EPHA6: variants seen among roughly 807,000 people sequenced by gnomAD.
EPHA6 encodes EPH receptor A6, also known as ephrin type-A receptor 6.
EPHA6 carries 50 observed loss-of-function variants against 112.0 expected under a neutral mutation model. That is an observed-to-expected ratio of 0.45 (90% CI 0.36 to 0.56). The LOEUF (loss-of-function observed/expected upper bound fraction) is 0.56, where lower values mean the gene tolerates loss of function less well. EPHA6 is among the 20% of genes least tolerant of loss of function. The pLI is 0.00. For missense variants in EPHA6, 1,280 were observed against 1,417.4 expected, an observed-to-expected ratio of 0.90 and a Z score of 1.56; for synonymous variants, 529 against 490.7, an observed-to-expected ratio of 1.08 and a Z score of -1.03.
chr3:96,985,873 C>T (rs924754843), intron 2 of EPHA6, among the ~76,000 whole-genome samples: 1 of 152,186 alleles, frequency 6.6e-6, no homozygotes, highest in South Asian at 2.1e-4. Flanking sequence ...CTCAACCAGC[C>T]TTGATTTAGT....
chr3:97,178,651 C>T (rs2076901912), intron 3 of EPHA6, among the ~76,000 whole-genome samples: 1 of 152,118 alleles, frequency 6.6e-6, no homozygotes, highest in African/African-American at 2.4e-5. Flanking sequence ...TCCTTCAGCA[C>T]TCTTCATATG....
At chr3:97,213,487 TTC>T (rs1377883509) in intron 3 of EPHA6, among the ~76,000 whole-genome samples, 5 of 152,178 alleles carry the variant, frequency 3.3e-5, no homozygotes, top group African/African-American at 1.2e-4. Context: ...AATTGCCACA[TTC>T]TCTCTGAGCA....
chr3:97,086,774 G>T (rs2046914680), intron 3 of EPHA6, among the ~76,000 whole-genome samples: 1 of 151,852 alleles, frequency 6.6e-6, no homozygotes, highest in Non-Finnish European at 1.5e-5. Flanking sequence ...TTTTGTACAT[G>T]GGAATTTATT....
chr3:97,572,613 C>G (rs1387246821), intron 11 of EPHA6: 1 of 152,076 alleles, frequency 6.6e-6, no homozygotes, highest in Non-Finnish European at 1.5e-5. Context: ...GGTTCTTGGC[C>G]TTCTGATTCT....
rs118075797 is a variant in EPHA6 at position 97,436,913 on chromosome 3, A to C, written c.1732-11655A>C. ...TCCAATGCACTATAGTTCTTAGATA[A>C]ATTTTATTGTGTATAATTAAGAGAT... On this transcript the variant is annotated intron_variant, in intron 6 of 17. Coordinates refer to ENST00000389672, the MANE Select transcript of EPHA6 (RefSeq NM_001080448.3). 5.9e-5 allele frequency among the ~76,000 whole-genome samples: 9 copies of C among 152,274 alleles called. No homozygotes were observed. In the East Asian group the frequency reaches 1.5e-3, roughly 26 times the overall value.
At chr3:97,724,367 C>G (rs1205586398) in intron 15 of EPHA6, among the ~76,000 whole-genome samples, 1 of 151,924 alleles carries the variant, frequency 6.6e-6, no homozygotes, top group Non-Finnish European at 1.5e-5. Flanking sequence ...CATAAAAGAC[C>G]TAACAAAATA....
chr3:96,954,107 C>T (rs1318841686), intron 2 of EPHA6, among the ~76,000 whole-genome samples: 4 of 152,066 alleles, frequency 2.6e-5, no homozygotes, highest in Non-Finnish European at 5.9e-5. Flanking sequence ...CTCCTGGGCT[C>T]AAGTAATCCA....
intron 11 of EPHA6, among the ~76,000 whole-genome samples, chr3:97,545,882 T>A (rs2092938561): frequency 1.3e-5 from 2 of 152,200 alleles, no homozygotes. Flanking sequence ...AGACTAGGAT[T>A]GCAACCCCTG....
chr3:97,141,347 A>G (rs2075897613), intron 3 of EPHA6, among the ~76,000 whole-genome samples: 1 of 152,156 alleles, frequency 6.6e-6, no homozygotes, highest in African/African-American at 2.4e-5. Flanking sequence ...AGACATTTAT[A>G]GAATGTTCTA....
intron 14 of EPHA6, among the ~76,000 whole-genome samples, chr3:97,701,832 A>G (rs1040170847): frequency 3.3e-5 from 5 of 152,098 alleles, no homozygotes; most frequent in African/African-American, 1.2e-4. Flanking sequence ...AATGCAATCA[A>G]TTCCTTAAAT....
chr3:97,440,407 C>T (rs1027252437), intron 6 of EPHA6, among the ~76,000 whole-genome samples: 1 of 151,694 alleles, frequency 6.6e-6, no homozygotes, highest in Non-Finnish European at 1.5e-5. Flanking sequence ...GCATATTGCT[C>T]CTAAAATTCT....
intron 9 of EPHA6, among the ~76,000 whole-genome samples, chr3:97,480,219 TTC>T (rs2091490549): frequency 6.6e-6 from 1 of 151,864 alleles, no homozygotes; most frequent in Non-Finnish European, 1.5e-5. Flanking sequence ...TTTTTTTTCT[TTC>T]TTTTTATTTA....
chr3:97,509,177 C>T (rs920078603), intron 10 of EPHA6, among the ~76,000 whole-genome samples: 1 of 151,356 alleles, frequency 6.6e-6, no homozygotes, highest in African/African-American at 2.4e-5. Flanking sequence ...GGCATTTAGA[C>T]CATTTACATT....
chr3:97,123,426 G>T (rs1226978866), intron 3 of EPHA6, among the ~76,000 whole-genome samples: 5 of 151,966 alleles, frequency 3.3e-5, no homozygotes, highest in African/African-American at 4.8e-5. Flanking sequence ...AGGATTATTG[G>T]CATCGACATC....
intron 2 of EPHA6, among the ~76,000 whole-genome samples, chr3:96,935,572 G>A (rs915641051): frequency 1.3e-5 from 2 of 149,114 alleles, no homozygotes; most frequent in Non-Finnish European, 3.0e-5. Context: ...TATAAAGATA[G>A]CATATAAAAA....
chr3:96,982,839 T>G (rs1231337538), intron 2 of EPHA6, among the ~76,000 whole-genome samples: 21 of 152,244 alleles, frequency 1.4e-4, no homozygotes, highest in Admixed American at 5.9e-4. Context: ...GATCTTTGTT[T>G]GTTTAAAGTC....
Position 96,911,981 on chromosome 3 carries a change from A to T in EPHA6, c.450+45092A>T, listed in dbSNP as rs1034310451. 1.1e-3 allele frequency among the ~76,000 whole-genome samples: 174 copies of T among 152,188 alleles called. 1 individual carries two copies. The highest frequency in any genetic ancestry group is 4.0e-3 in the African/African-American group (166 of 41,556). On this transcript the variant is annotated intron_variant, in intron 2 of 17. Coordinates refer to ENST00000389672, the MANE Select transcript of EPHA6 (RefSeq NM_001080448.3). ...TTTAAGTGTCTAAGAACTAGAAAAA[A>T]CATCAAATCTGAAACAGAAAATATG...
At chr3:97,106,021 T>C (rs1456380089) in intron 3 of EPHA6, among the ~76,000 whole-genome samples, 1 of 152,112 alleles carries the variant, frequency 6.6e-6, no homozygotes, top group East Asian at 1.9e-4. Context: ...CATGATCCCT[T>C]TGTTTTGAGC....
intron 5 of EPHA6, among the ~76,000 whole-genome samples, chr3:97,324,417 C>CTT (rs796396442): frequency 1.6e-5 from 2 of 126,898 alleles, no homozygotes; most frequent in African/African-American, 3.5e-5. Flanking sequence ...TTCTTTCTTT[C>CTT]TTTCTTTCTT....
Sources: gnomAD v4.1 joint callset for allele counts (sites outside exome capture counted in the v4.1 genomes callset) on GRCh38, gnomAD v4.1.1 for gene constraint, MANE v1.5 for transcripts, NCBI Gene and HGNC (gene_info 2026-07-23, HGNC 2026-07-21) for gene names.